The following MYRFL variants were observed in gnomAD, a reference collection of about 807,000 sequenced individuals.
MYRFL encodes the protein myelin regulatory factor like.
Under a neutral mutation model 109.4 loss-of-function variants are expected in MYRFL, and 88 were observed. That is an observed-to-expected ratio of 0.80 (90% CI 0.68 to 0.96). The LOEUF is 0.96. Ranked by LOEUF, MYRFL falls within the 40% of genes least tolerant of loss-of-function variation. The pLI is 0.00. For synonymous variants in MYRFL, 324 were observed against 320.9 expected, an observed-to-expected ratio of 1.01 and a Z score of -0.10; for missense variants, 957 against 954.9, an observed-to-expected ratio of 1.00 and a Z score of -0.03.
intron 13 of MYRFL, among the ~76,000 whole-genome samples, chr12:69,925,940 T>C (rs1321679598): frequency 2.0e-5 from 3 of 152,172 alleles, no homozygotes; most frequent in Non-Finnish European, 4.4e-5. Context: ...GGAGTCTCAC[T>C]TCTAGCAGGT....
chr12:69,904,023 A>G (rs1954279368), intron 11 of MYRFL, 179 bp downstream of exon 11: 1 of 551,614 alleles, frequency 1.8e-6, no homozygotes, highest in African/African-American at 1.9e-5. Context: ...GAAATTGTAA[A>G]GCAGTTCCTC....
intron 19 of MYRFL, among the ~76,000 whole-genome samples, chr12:69,950,256 CCTATTCT>C (rs1383978897): frequency 1.3e-5 from 2 of 152,104 alleles, no homozygotes; most frequent in East Asian, 3.9e-4. Flanking sequence ...TGCCCTTGGA[CCTATTCT>C]CTATTTTAAC....
chr12:69,955,570 G>A, intron 22 of MYRFL, 133 bp downstream of exon 22: 2 of 478,758 alleles, frequency 4.2e-6, no homozygotes, highest in Non-Finnish European at 7.3e-6. Context: ...GATGGTTTGA[G>A]AGGTGGCCTA....
At chr12:69,865,044 T>C (rs956583694) in intron 2 of MYRFL, among the ~76,000 whole-genome samples, 3 of 152,222 alleles carry the variant, frequency 2.0e-5, no homozygotes, top group Non-Finnish European at 4.4e-5. Context: ...ATCAAAGAGC[T>C]GTCTTTTACA....
At chr12:69,952,060 C>A in intron 19 of MYRFL, 53 bp from the exon 20 acceptor site, 1 of 1,493,770 alleles carries the variant, frequency 6.7e-7, no homozygotes, top group South Asian at 1.2e-5. Flanking sequence ...CATGGGGTTT[C>A]TTCTCTTCTC....
At chr12:69,861,019 T>C (rs1467453404) in intron 2 of MYRFL, among the ~76,000 whole-genome samples, 2 of 149,332 alleles carry the variant, frequency 1.3e-5, no homozygotes, top group Non-Finnish European at 3.0e-5. Context: ...GTTCTTGCGA[T>C]AGTTTACTGA....
At chr12:69,854,660 A>G (rs1210003464) in intron 1 of MYRFL, among the ~76,000 whole-genome samples, 1 of 152,116 alleles carries the variant, frequency 6.6e-6, no homozygotes, top group East Asian at 1.9e-4. Context: ...TGCTGGGATT[A>G]CACACGTGAG....
At chr12:69,951,852 G>T (rs890399379) in intron 19 of MYRFL, among the ~76,000 whole-genome samples, 1 of 152,162 alleles carries the variant, frequency 6.6e-6, no homozygotes, top group Non-Finnish European at 1.5e-5. Context: ...TGAGGTACTG[G>T]GGGATAAGGC....
intron 1 of MYRFL, among the ~76,000 whole-genome samples, chr12:69,853,319 G>A (rs532324710): frequency 3.9e-5 from 6 of 152,000 alleles, no homozygotes; most frequent in South Asian, 2.1e-4. Flanking sequence ...CTTCCCGGAC[G>A]GGGTGGCTGC....
At chr12:69,936,005 T>C in intron 16 of MYRFL, 108 bp from the exon 17 acceptor site, 1 of 1,318,694 alleles carries the variant, frequency 7.6e-7, no homozygotes, top group Non-Finnish European at 1.0e-6. Flanking sequence ...CTCCCATCTG[T>C]GTGGCCTGTG....
chr12:69,834,232 T>G (rs1882804806), intron 1 of MYRFL, among the ~76,000 whole-genome samples: 1 of 152,212 alleles, frequency 6.6e-6, no homozygotes, highest in African/African-American at 2.4e-5. Flanking sequence ...TACCCTGGTA[T>G]TAACAATATA....
chr12:69,898,065 T>A (rs144923431), intron 10 of MYRFL, among the ~76,000 whole-genome samples: 1 of 152,276 alleles, frequency 6.6e-6, no homozygotes, highest in Non-Finnish European at 1.5e-5. Context: ...TTATGGATCT[T>A]TGAAGTGATA....
intron 13 of MYRFL, among the ~76,000 whole-genome samples, chr12:69,913,799 G>T (rs972580272): frequency 2.0e-5 from 3 of 152,162 alleles, no homozygotes; most frequent in African/African-American, 7.2e-5. Flanking sequence ...AAGATCCCAC[G>T]TGAATTTTAG....
intron 13 of MYRFL, among the ~76,000 whole-genome samples, chr12:69,913,150 T>C (rs1954625233): frequency 6.6e-6 from 1 of 152,148 alleles, no homozygotes; most frequent in African/African-American, 2.4e-5. Context: ...ATTTTTGACT[T>C]GGGTTGTTTA....
intron 6 of MYRFL, among the ~76,000 whole-genome samples, chr12:69,890,265 CTAAAGGAGAAAAGAGAT>C (rs72131148): frequency 0.15 from 22,333 of 151,648 alleles, 2,140 homozygotes; most frequent in Non-Finnish European, 0.22. Context: ...CTTTTTTTTC[CTAAAGGAGAAAAGAGAT>C]TAATTCCACC....
chr12:69,957,239 AC>A (rs986787256), intron 22 of MYRFL, among the ~76,000 whole-genome samples: 3 of 152,134 alleles, frequency 2.0e-5, no homozygotes, highest in Non-Finnish European at 4.4e-5. Context: ...CCAAACTCCT[AC>A]CTGTATTTAT....
rs1421369886 is a variant in MYRFL at position 69,842,409 on chromosome 12, A to C, written c.47-12871A>C. On this transcript the variant is annotated intron_variant, in intron 1 of 24. Transcript: ENST00000552032. The stretch of plus-strand genomic sequence containing the variant: ...CATTCACAGCTTTATTTACTCACCT[A>C]ACAAGGTCAACATTTATTGAATAGC... Among the ~76,000 whole-genome samples, 8 of 152,280 alleles carry C rather than the reference A, an allele frequency of 5.3e-5. No individual in the cohort carries two copies. The East Asian group carries it at 1.5e-3, about 29-fold the overall frequency.
At chr12:69,891,985 G>A (rs1043086294) in intron 7 of MYRFL, among the ~76,000 whole-genome samples, 2 of 152,022 alleles carry the variant, frequency 1.3e-5, no homozygotes, top group African/African-American at 4.8e-5. Flanking sequence ...CCAAGATGTC[G>A]ATTTCGTAAG....
In MYRFL at chr12:69,932,848, C is replaced by T. The variant is rs77629265; in HGVS notation, c.1916+250C>T. On this transcript the variant is annotated intron_variant, in intron 16 of 24. Transcript: ENST00000552032. ...TTCAATTAACTGCTATGTTTAGCAG[C>T]AAACTGTGCCTTTCGTGTGTGTGTG... Among the ~76,000 whole-genome samples the T allele has an allele frequency of 1.3e-3, 178 of 132,384 alleles. No individual in the cohort carries two copies. The East Asian group carries it at 0.033, about 25-fold the overall frequency. The allele number at this position is 132,384 out of a possible 152,430, so 86.8% of individuals were successfully genotyped here.
Sources: allele counts gnomAD v4.1 joint callset (sites outside exome capture counted in the v4.1 genomes callset), GRCh38; gene constraint gnomAD v4.1.1; transcripts MANE v1.5; gene names NCBI Gene and HGNC (gene_info 2026-07-23, HGNC 2026-07-21).